COMMD10: variants seen among roughly 807,000 people sequenced by gnomAD.
COMMD10 encodes COMM domain-containing protein 10.
COMMD10 carries 33 observed loss-of-function variants against 28.9 expected under a neutral mutation model. The ratio of observed to expected loss-of-function variants is 1.14; its 90% CI spans 0.87 to 1.53. COMMD10 has a LOEUF of 1.53. Among genes scored for constraint, COMMD10 ranks in the 40% most tolerant of loss-of-function variants. The pLI, the probability that COMMD10 is intolerant of heterozygous loss-of-function variation, is 0.00. For synonymous variants in COMMD10, 110 were observed against 81.7 expected (o/e 1.35, Z -1.87); for missense variants, 310 against 233.4 (o/e 1.33, Z -2.14).
chr5:116,149,266 T>A (rs928020542), intron 5 of COMMD10, among the ~76,000 whole-genome samples: 1 of 143,104 alleles, frequency 7.0e-6, no homozygotes, highest in Non-Finnish European at 1.5e-5. Context: ...TGTTGGACAT[T>A]TGGGTTGGTT....
At chr5:116,109,956 T>C (rs4921061) in intron 4 of COMMD10, among the ~76,000 whole-genome samples, 128,486 of 152,212 alleles carry the variant, frequency 0.84, 54,567 homozygotes, top group African/African-American at 0.92. Flanking sequence ...CCAACGTTTT[T>C]GAGGAAATGT....
intron 5 of COMMD10, among the ~76,000 whole-genome samples, chr5:116,281,843 A>G (rs1751076887): frequency 2.6e-5 from 4 of 151,886 alleles, no homozygotes; most frequent in Non-Finnish European, 5.9e-5. Flanking sequence ...GAACACCTGC[A>G]TACCCTGGAT....
chr5:116,139,611 G>T (rs1023144002), intron 5 of COMMD10, among the ~76,000 whole-genome samples: 2 of 150,508 alleles, frequency 1.3e-5, no homozygotes, highest in African/African-American at 4.9e-5. Context: ...TTTCATTGAA[G>T]TATCACGTAT....
chr5:116,190,954 A>G (rs994106560), intron 5 of COMMD10, among the ~76,000 whole-genome samples: 20 of 152,290 alleles, frequency 1.3e-4, no homozygotes, highest in African/African-American at 4.3e-4. Context: ...TGCTGGAACT[A>G]TATATTTTAT....
intron 5 of COMMD10, among the ~76,000 whole-genome samples, chr5:116,144,715 A>G (rs985986455): frequency 6.6e-6 from 1 of 151,890 alleles, no homozygotes; most frequent in African/African-American, 2.4e-5. Context: ...AACCTAGACA[A>G]TTATGATTTC....
chr5:116,180,020 T>TAAGA (rs1191080125), intron 5 of COMMD10, among the ~76,000 whole-genome samples: 2 of 152,090 alleles, frequency 1.3e-5, no homozygotes, highest in East Asian at 3.9e-4. Flanking sequence ...TTTTTGTTGT[T>TAAGA]ACTCTTGATA....
chr5:116,134,629 T>G (rs1751971520), intron 5 of COMMD10, among the ~76,000 whole-genome samples: 2 of 152,190 alleles, frequency 1.3e-5, no homozygotes, highest in Admixed American at 1.3e-4. Context: ...ATACAATTTA[T>G]TTATTTTTTT....
At chr5:116,219,485 A>T (rs756208937) in intron 5 of COMMD10, among the ~76,000 whole-genome samples, 1 of 152,150 alleles carries the variant, frequency 6.6e-6, no homozygotes, top group African/African-American at 2.4e-5. Context: ...AGAGAGGCAG[A>T]GGGAGATTTG....
intron 5 of COMMD10, among the ~76,000 whole-genome samples, chr5:116,268,440 G>A (rs1750662122): frequency 6.6e-6 from 1 of 151,876 alleles, no homozygotes; most frequent in African/African-American, 2.4e-5. Flanking sequence ...TCATTAAAAA[G>A]TCAGGAAACA....
In COMMD10 at chr5:116,214,934, A is replaced by G. The variant is rs553535202; in HGVS notation, c.511-76583A>G. Among the ~76,000 whole-genome samples the G allele has an allele frequency of 2.5e-4, 38 of 152,194 alleles. No homozygotes were observed. The South Asian group carries it at 7.9e-3, about 32-fold the overall frequency. On this transcript the variant is annotated intron_variant, in intron 5 of 6. Coordinates refer to ENST00000274458, the MANE Select transcript of COMMD10 (RefSeq NM_016144.4). Reference sequence around the variant, plus strand: ...ATTTTCTATACTTTCATTCCCACTTATTAGTCACAAATTATGGGGCTGGAG... The same window carrying G: ...ATTTTCTATACTTTCATTCCCACTTGTTAGTCACAAATTATGGGGCTGGAG...
At chr5:116,109,988 T>A (rs1013842454) in intron 4 of COMMD10, among the ~76,000 whole-genome samples, 2 of 152,162 alleles carry the variant, frequency 1.3e-5, no homozygotes, top group African/African-American at 4.8e-5. Context: ...CCCTGTTCAG[T>A]GTGATGTTGT....
At chr5:116,246,153 AGT>A (rs1491107094) in intron 5 of COMMD10, among the ~76,000 whole-genome samples, 1 of 152,144 alleles carries the variant, frequency 6.6e-6, no homozygotes, top group East Asian at 1.9e-4. Flanking sequence ...ATACAACATG[AGT>A]GTGCAAAAAT....
chr5:116,110,401 T>G (rs1446063680), intron 4 of COMMD10, among the ~76,000 whole-genome samples: 1 of 152,216 alleles, frequency 6.6e-6, no homozygotes, highest in Non-Finnish European at 1.5e-5. Flanking sequence ...GGAGAATTCC[T>G]TTCCCCTGTT....
At chr5:116,239,241 A>G (rs1749754334) in intron 5 of COMMD10, among the ~76,000 whole-genome samples, 1 of 152,216 alleles carries the variant, frequency 6.6e-6, no homozygotes, top group Non-Finnish European at 1.5e-5. Context: ...AAACTCAACA[A>G]AATTTGTTGG....
At chr5:116,170,592 A>G (rs1372339635) in intron 5 of COMMD10, among the ~76,000 whole-genome samples, 1 of 152,180 alleles carries the variant, frequency 6.6e-6, no homozygotes, top group Non-Finnish European at 1.5e-5. Context: ...ACTATACTAC[A>G]AGGCTACAGT....
intron 5 of COMMD10, among the ~76,000 whole-genome samples, chr5:116,210,994 T>A (rs1748949355): frequency 6.6e-6 from 1 of 152,082 alleles, no homozygotes; most frequent in Admixed American, 6.6e-5. Flanking sequence ...AATTATTGTG[T>A]TTAATATTAT....
intron 5 of COMMD10, among the ~76,000 whole-genome samples, chr5:116,198,089 C>A (rs1051544158): frequency 2.6e-5 from 4 of 151,966 alleles, no homozygotes; most frequent in Non-Finnish European, 4.4e-5. Flanking sequence ...TTTTTTTAAA[C>A]CTCAGTTTAT....
intron 5 of COMMD10, among the ~76,000 whole-genome samples, chr5:116,134,986 A>G (rs1751984810): frequency 6.6e-6 from 1 of 152,170 alleles, no homozygotes. Context: ...GAACGTGATT[A>G]TTAAAGATCA....
At chr5:116,262,271 C>T (rs1424827670) in intron 5 of COMMD10, among the ~76,000 whole-genome samples, 1 of 151,608 alleles carries the variant, frequency 6.6e-6, no homozygotes, top group African/African-American at 2.4e-5. Context: ...CTCAAAACTG[C>T]TGAAGTATCA....
Sources: gnomAD v4.1 joint callset for allele counts (sites outside exome capture counted in the v4.1 genomes callset) on GRCh38, gnomAD v4.1.1 for gene constraint, MANE v1.5 for transcripts, NCBI Gene and HGNC (gene_info 2026-07-23, HGNC 2026-07-21) for gene names.